The following NALCN variants were observed in gnomAD, a reference collection of about 807,000 sequenced individuals.
NALCN encodes the protein sodium leak channel NALCN.
NALCN carries 111 observed loss-of-function variants against 225.3 expected under a neutral mutation model. That is an observed-to-expected ratio of 0.49 (90% CI 0.42 to 0.58). The LOEUF is 0.58. Ranked by LOEUF, NALCN falls within the 20% of genes least tolerant of loss-of-function variation. The pLI, the probability that NALCN is intolerant of heterozygous loss-of-function variation, is 0.00. For synonymous variants in NALCN, 764 were observed against 769.0 expected (o/e 0.99, Z 0.11); for missense variants, 1,378 against 2,202.4 (o/e 0.63, Z 7.49).
chr13:101,323,078 A>G (rs2044810157), intron 7 of NALCN, among the ~76,000 whole-genome samples: 1 of 152,192 alleles, frequency 6.6e-6, no homozygotes, highest in Non-Finnish European at 1.5e-5. Flanking sequence ...ATTCTAAAAA[A>G]TCACTTCAAC....
chr13:101,219,730 G>C (rs1290424842), intron 13 of NALCN, among the ~76,000 whole-genome samples: 4 of 152,112 alleles, frequency 2.6e-5, no homozygotes, highest in Non-Finnish European at 5.9e-5. Context: ...TATATTCTTG[G>C]CACTCAATAA....
chr13:101,145,488 G>T (rs1352522394), intron 15 of NALCN, among the ~76,000 whole-genome samples: 4 of 152,138 alleles, frequency 2.6e-5, no homozygotes, highest in African/African-American at 9.7e-5. Flanking sequence ...AATGCCATAT[G>T]ATATCTTTGT....
chr13:101,410,841 G>A (rs187747657), intron 1 of NALCN, among the ~76,000 whole-genome samples: 11 of 152,174 alleles, frequency 7.2e-5, no homozygotes, highest in African/African-American at 2.4e-4. Context: ...ACCCAAGCTC[G>A]ATGATCGGAA....
chr13:101,143,686 A>C (rs2037205689), intron 16 of NALCN, among the ~76,000 whole-genome samples: 1 of 152,016 alleles, frequency 6.6e-6, no homozygotes, highest in Non-Finnish European at 1.5e-5. Context: ...CTGGTCTCGA[A>C]CTCCCGACCT....
chr13:101,111,682 G>A (rs1273567683), intron 18 of NALCN, among the ~76,000 whole-genome samples: 2 of 152,166 alleles, frequency 1.3e-5, no homozygotes, highest in African/African-American at 4.8e-5. Context: ...TCGTGATTGT[G>A]AATTAGTCTC....
intron 6 of NALCN, among the ~76,000 whole-genome samples, chr13:101,374,234 T>TCTGTCCA (rs2046619955): frequency 6.6e-6 from 1 of 151,570 alleles, no homozygotes; most frequent in Non-Finnish European, 1.5e-5. Flanking sequence ...AGGCATGGTA[T>TCTGTCCA]CTGTCCACAC....
chr13:101,094,057 A>G (rs182904605), intron 28 of NALCN, among the ~76,000 whole-genome samples: 1 of 152,310 alleles, frequency 6.6e-6, no homozygotes, highest in Non-Finnish European at 1.5e-5. Context: ...GGAGTGCCTC[A>G]TTGCACCTTT....
chr13:101,056,071 C>T (rs758885961), intron 43 of NALCN, among the ~76,000 whole-genome samples: 5 of 152,096 alleles, frequency 3.3e-5, no homozygotes, highest in Non-Finnish European at 7.3e-5. Context: ...AAACAGGTTA[C>T]ATGAGATGAC....
intron 30 of NALCN, among the ~76,000 whole-genome samples, chr13:101,086,216 C>T (rs978740538): frequency 2.0e-5 from 3 of 151,788 alleles, no homozygotes; most frequent in Admixed American, 1.3e-4. Context: ...TTACTTTCTT[C>T]CCCCCTACTT....
chr13:101,392,771 TAGC>T (rs1439174201), intron 3 of NALCN, among the ~76,000 whole-genome samples: 2 of 152,156 alleles, frequency 1.3e-5, no homozygotes, highest in Non-Finnish European at 1.5e-5. Flanking sequence ...TCAAAAGAAT[TAGC>T]AGGAAAACTA....
chr13:101,063,073 C>T (rs1347879317), intron 40 of NALCN, among the ~76,000 whole-genome samples: 3 of 152,220 alleles, frequency 2.0e-5, no homozygotes, highest in Non-Finnish European at 2.9e-5. Context: ...AGTCCACCAC[C>T]AGAGGAGAAG....
intron 17 of NALCN, among the ~76,000 whole-genome samples, chr13:101,127,027 C>T (rs2036267041): frequency 6.6e-6 from 1 of 152,178 alleles, no homozygotes; most frequent in African/African-American, 2.4e-5. Flanking sequence ...CTTATTTCAT[C>T]TTGAAAGGAC....
chr13:101,390,331 T>A (rs1482340377), intron 3 of NALCN, among the ~76,000 whole-genome samples: 1 of 151,376 alleles, frequency 6.6e-6, no homozygotes, highest in Non-Finnish European at 1.5e-5. Context: ...AAAAAGTATT[T>A]GAGAAAGAGG....
chr13:101,171,172 T>C (rs920434384), intron 15 of NALCN, among the ~76,000 whole-genome samples: 11 of 151,582 alleles, frequency 7.3e-5, no homozygotes, highest in African/African-American at 2.4e-4. Context: ...GCAGAAACAA[T>C]GTTTTATATA....
intron 4 of NALCN, among the ~76,000 whole-genome samples, 157 bp from the exon 5 acceptor site, chr13:101,377,213 T>A (rs1342384798): frequency 6.6e-6 from 1 of 152,232 alleles, no homozygotes; most frequent in Non-Finnish European, 1.5e-5. Context: ...TTTGAGTATA[T>A]TTTGAAGCTA....
chr13:101,192,553 A>G (rs962513795), intron 13 of NALCN, among the ~76,000 whole-genome samples: 1 of 152,186 alleles, frequency 6.6e-6, no homozygotes, highest in African/African-American at 2.4e-5. Context: ...TAAAAAAGAA[A>G]TATTTCTAAG....
intron 7 of NALCN, among the ~76,000 whole-genome samples, chr13:101,336,747 G>A (rs1282023183): frequency 1.3e-5 from 2 of 152,092 alleles, no homozygotes; most frequent in East Asian, 3.9e-4. Flanking sequence ...AAATCACCTT[G>A]TATAAATTTG....
chr13:101,156,531 G>A lies in NALCN; in HGVS notation c.1840-11635C>T, dbSNP rs1038519132. Among the ~76,000 whole-genome samples the A allele has an allele frequency of 2.7e-5, 4 of 149,042 alleles. No homozygotes were observed. In the East Asian group the frequency reaches 7.8e-4, roughly 29 times the overall value. On this transcript the variant is annotated intron_variant, in intron 15 of 43. Coordinates refer to ENST00000251127, the MANE Select transcript of NALCN (RefSeq NM_052867.4). ...TAACCCTCCAACCATATGTATGCAG[G>A]TATATATATATATATGCATGTAACT...
chr13:101,283,571 AT>A, intron 10 of NALCN, among the ~76,000 whole-genome samples: 1 of 152,106 alleles, frequency 6.6e-6, no homozygotes, highest in Non-Finnish European at 1.5e-5. Flanking sequence ...GTATTAACAT[AT>A]TTTTCCCAGT....
Sources: gnomAD v4.1 joint callset for allele counts (sites outside exome capture counted in the v4.1 genomes callset) on GRCh38, gnomAD v4.1.1 for gene constraint, MANE v1.5 for transcripts, NCBI Gene and HGNC (gene_info 2026-07-23, HGNC 2026-07-21) for gene names.